The following NT5DC4 variants were observed in gnomAD, a reference collection of about 807,000 sequenced individuals.
The protein encoded by NT5DC4 is 5'-nucleotidase domain containing 4.
NT5DC4 carries 44 observed loss-of-function variants against 26.6 expected under a neutral mutation model. The ratio of observed to expected loss-of-function variants is 1.65; its 90% CI spans 1.30 to 2.13. NT5DC4 has a LOEUF of 2.13. NT5DC4 is among the 30% of genes most tolerant of loss of function. The probability of loss-of-function intolerance (pLI) is 0.00; values close to 1 mark genes in which losing one functional copy is unlikely to be tolerated. For missense variants in NT5DC4, 399 were observed against 228.1 expected (o/e 1.75, Z -4.83); for synonymous variants, 157 against 86.7 (o/e 1.81, Z -4.51).
At chr2:112,721,210 G>A (rs1169056671) in intron 1 of NT5DC4, among the ~76,000 whole-genome samples, 57 bp downstream of exon 1, 2 of 152,208 alleles carry the variant, frequency 1.3e-5, no homozygotes, top group African/African-American at 4.8e-5. Context: ...CACCCCACAC[G>A]CCACAGCAGC....
chr2:112,736,635 G>C (rs1392052181), intron 16 of NT5DC4: 2 of 152,112 alleles, frequency 1.3e-5, no homozygotes, highest in Non-Finnish European at 2.9e-5. Flanking sequence ...CACTTTCTCT[G>C]TGTACTTGAG....
intron 10 of NT5DC4, chr2:112,724,382 G>A: frequency 1.7e-6 from 1 of 592,202 alleles, no homozygotes; most frequent in East Asian, 2.8e-5. Flanking sequence ...GCAGAAAGTG[G>A]GTGAGACGAG....
At chr2:112,737,928 A>G (rs1305089584) in intron 16 of NT5DC4, 2 of 152,186 alleles carry the variant, frequency 1.3e-5, no homozygotes, top group Non-Finnish European at 2.9e-5. Context: ...GAAAGCTAAA[A>G]TTTAAAATGT....
intron 1 of NT5DC4, chr2:112,721,605 C>T: frequency 4.2e-6 from 3 of 717,412 alleles, no homozygotes; most frequent in Non-Finnish European, 2.6e-6. Flanking sequence ...TGCACACATG[C>T]TCACACATGC....
At chr2:112,721,663 G>A (rs1262596743) in intron 1 of NT5DC4, 155 bp from the exon 2 acceptor site, 2 of 715,886 alleles carry the variant, frequency 2.8e-6, no homozygotes, top group African/African-American at 1.7e-5. Context: ...GGTCCAGGCA[G>A]GGCCCTGGCT....
chr2:112,742,858 T>A, downstream of NT5DC4: 1 of 819,870 alleles, frequency 1.2e-6, no homozygotes, highest in Non-Finnish European at 2.0e-6. Context: ...ACATGTTTTA[T>A]AATAAAAGTT....
rs756743664 is a variant in NT5DC4 at position 112,723,091 on chromosome 2, G to A, written c.538G>A (p.Gly180Ser). The A allele has an allele frequency of 7.8e-5, 56 of 715,864 alleles. No homozygotes were observed. The East Asian group carries it at 1.2e-3, about 15-fold the overall frequency. The allele number at this position is 715,864 out of a possible 1,614,324, so 44.3% of individuals were successfully genotyped here. A position where few individuals can be genotyped will look rare whatever the true frequency, so the allele number is the denominator to read the frequency against. ...GCSRYTNCDT[G>S]YQHGNLFMSF... ...CTTTGCCTGCCCCAGTTGTGACACC[G>A]GCTATCAGCATGGGAACCTCTTCAT... Residue 180 changes from glycine (G) to serine (S), a missense_variant, in exon 7 of 17, where the codon GGC (glycine) becomes AGC (serine). Physicochemically the swap from Gly to Ser is moderately conservative, Grantham distance 56. Coordinates refer to ENST00000688554, the MANE Select transcript of NT5DC4 (RefSeq NM_001393655.1).
Position 112,739,021 on chromosome 2 carries a change from G to T in NT5DC4, c.*85G>T. On this transcript the variant is annotated 3_prime_UTR_variant, in exon 17 of 17. Coordinates refer to ENST00000688554, the MANE Select transcript of NT5DC4 (RefSeq NM_001393655.1). ...GCCGTACAGGAGTGATAAATTTCAT[G>T]TCTTGCACTTCCGGCATCCCATTTA... 3.1e-6 allele frequency: 5 copies of T among 1,614,096 alleles called. No individual in the cohort carries two copies. The highest frequency in any genetic ancestry group is 4.2e-6 in the Non-Finnish European group (5 of 1,179,964).
At chr2:112,719,232 G>C (rs1364829890), upstream of NT5DC4, among the ~76,000 whole-genome samples, 1 of 152,190 alleles carries the variant, frequency 6.6e-6, no homozygotes, top group Non-Finnish European at 1.5e-5. Flanking sequence ...TAAGCCATAG[G>C]AGTTGTTGAG....
chr2:112,740,812 G>T, downstream of NT5DC4: 1 of 1,597,718 alleles, frequency 6.3e-7, no homozygotes, highest in South Asian at 1.1e-5. Context: ...TTTAGAGTTT[G>T]CTTACCTAGG....
chr2:112,722,861 C>CA (rs1677104094), intron 6 of NT5DC4, 90 bp downstream of exon 6: 1 of 271,528 alleles, frequency 3.7e-6, no homozygotes, highest in African/African-American at 5.4e-5. Context: ...AAGGGCTCCC[C>CA]AAGAGGCTGG....
rs367863201 is a variant in NT5DC4 at position 112,738,992 on chromosome 2, G to A, written c.*56G>A. 3.7e-6 allele frequency: 6 copies of A among 1,614,172 alleles called. No homozygotes were observed. The highest frequency in any genetic ancestry group is 3.3e-5 in the Admixed American group (2 of 60,012). ...GGACACTGCTCGCTCAATCCTCGAC[G>A]AACGCCGTACAGGAGTGATAAATTT... is the stretch of plus-strand genomic sequence containing the variant. On this transcript the variant is annotated 3_prime_UTR_variant, in exon 17 of 17. Transcript: ENST00000688554.
chr2:112,722,262 T>G lies in NT5DC4; in HGVS notation c.346T>G (p.Phe116Val). ...GAATGTGCTGCTGGGTGCCTATGGC[T>G]TCACCTTCCTCTCGGAGTAAGGGAC... ...HGNVLLGAYG[F>V]TFLSDLPLLR... is the part of the protein sequence containing the mutation. The change falls in exon 4 of 17, where the codon TTC (phenylalanine) becomes GTC (valine). Residue 116 changes from phenylalanine to valine, a missense_variant. Phe to Val is a conservative substitution (Grantham distance 50). Transcript: ENST00000688554. The G allele has an allele frequency of 1.4e-6, 1 of 717,026 alleles. No individual in the cohort carries two copies. The highest frequency in any genetic ancestry group is 1.5e-5 in the South Asian group (1 of 67,604). The allele number at this position is 717,026 out of a possible 1,614,324, so 44.4% of individuals were successfully genotyped here. A position where few individuals can be genotyped will look rare whatever the true frequency, so the allele number is the denominator to read the frequency against.
chr2:112,738,778 T>C, intron 16 of NT5DC4, 135 bp from the exon 17 acceptor site: 2 of 1,292,432 alleles, frequency 1.5e-6, no homozygotes, highest in Non-Finnish European at 1.1e-6. Flanking sequence ...ATTTCTTGTC[T>C]TATGTTGGTT....
chr2:112,725,045 C>T, intron 11 of NT5DC4, 129 bp from the exon 12 acceptor site: 3 of 650,754 alleles, frequency 4.6e-6, no homozygotes, highest in Non-Finnish European at 8.6e-6. Context: ...CCTTCAGCGC[C>T]CTCTGCTGCC....
At position 112,723,442 on chromosome 2, in the gene NT5DC4, G is replaced by A. The variant is rs1436261763; in HGVS notation, c.646G>A (p.Asp216Asn). ...GGGCTGTCTCAAGAAGACCCTGGAG[G>A]ACTTGGAGAAATATGTGAAGAAGGA... is the stretch of plus-strand genomic sequence containing the variant. ...QSGCLKKTLE[D>N]LEKYVKKDPR... The change falls in exon 8 of 17, where the codon GAC (aspartate) becomes AAC (asparagine). Residue 216 changes from aspartate to asparagine, a missense_variant. Asp to Asn is a conservative substitution (Grantham distance 23, BLOSUM62 1). Coordinates refer to ENST00000688554, the MANE Select transcript of NT5DC4 (RefSeq NM_001393655.1). The A allele has an allele frequency of 2.8e-6, 2 of 716,082 alleles. No individual in the cohort carries two copies. Among genetic ancestry groups the A allele is most frequent in the African/African-American group, 3.5e-5 (2 of 56,850 alleles). 44.4% of individuals were successfully genotyped at this position (716,082 alleles called of 1,614,324 possible).
At position 112,722,744 on chromosome 2, in the gene NT5DC4, T is replaced by A. The variant is rs1407843212; in HGVS notation, c.500T>A (p.Phe167Tyr). The A allele has an allele frequency of 1.4e-6, 1 of 717,658 alleles. No homozygotes were observed. The highest frequency in any genetic ancestry group is 1.5e-5 in the South Asian group (1 of 67,600). The allele number at this position is 717,658 out of a possible 1,614,324, so 44.5% of individuals were successfully genotyped here. Residue 167 changes from phenylalanine to tyrosine, a missense_variant, in exon 6 of 17, where the codon TTC (phenylalanine) becomes TAC (tyrosine). Coordinates refer to ENST00000688554, the MANE Select transcript of NT5DC4 (RefSeq NM_001393655.1). ...ETYLYACLVD[F>Y]FSGCSRYTNC... ...TACCTCTATGCCTGCTTGGTGGACT[T>A]CTTCTCTGGCTGCTCCCGTTACACT...
At chr2:112,728,894 C>T (rs891340502) in intron 15 of NT5DC4, among the ~76,000 whole-genome samples, 9 of 152,214 alleles carry the variant, frequency 5.9e-5, no homozygotes, top group African/African-American at 2.2e-4. Flanking sequence ...TGCTGCCACA[C>T]ACATGGGGGA....
At chr2:112,726,783 G>C (rs976589084) in intron 15 of NT5DC4, 45 bp downstream of exon 15, 1 of 717,220 alleles carries the variant, frequency 1.4e-6, no homozygotes, top group South Asian at 1.5e-5. Context: ...AGCAGGGGCG[G>C]AGCCGGGTTC....
Sources: gnomAD v4.1 joint callset for allele counts (sites outside exome capture counted in the v4.1 genomes callset) on GRCh38, gnomAD v4.1.1 for gene constraint, MANE v1.5 for transcripts, NCBI Gene and HGNC (gene_info 2026-07-23, HGNC 2026-07-21) for gene names.